TYW3: variants seen among roughly 807,000 people sequenced by gnomAD.
TYW3 encodes tRNA wybutosine-synthesizing protein 3 homolog.
TYW3 carries 26 observed loss-of-function variants against 23.1 expected under a neutral mutation model. The observed-to-expected ratio is 1.13, with a 90% confidence interval of 0.83 to 1.56. The LOEUF is 1.56. Among genes scored for constraint, TYW3 ranks in the 40% most tolerant of loss-of-function variants. The pLI is 0.00. For missense variants in TYW3, 316 were observed against 311.9 expected (o/e 1.01, Z -0.10); for synonymous variants, 102 against 105.7 (o/e 0.97, Z 0.21).
At chr1:74,760,899 G>A (rs1649116199) in intron 5 of TYW3, among the ~76,000 whole-genome samples, 2 of 152,188 alleles carry the variant, frequency 1.3e-5, no homozygotes, top group Non-Finnish European at 2.9e-5. Flanking sequence ...TCTAACTGAC[G>A]TTGAAAAACA....
chr1:74,751,626 C>T (rs1648789439), intron 4 of TYW3, among the ~76,000 whole-genome samples: 1 of 151,452 alleles, frequency 6.6e-6, no homozygotes, highest in Non-Finnish European at 1.5e-5. Context: ...GCCGAGATTG[C>T]ACCATTGCAC....
At chr1:74,745,373 AGCTGATTGGTCCATTTTACAGAGT>A (rs1306510305) in intron 3 of TYW3, among the ~76,000 whole-genome samples, 3 of 151,956 alleles carry the variant, frequency 2.0e-5, no homozygotes, top group Non-Finnish European at 4.4e-5. Flanking sequence ...TTTTACAGAG[AGCTGATTGGTCCATTTTACAGAGT>A]GCTGATTGGC....
At position 74,740,525 on chromosome 1, in the gene TYW3, C is replaced by T. The variant is rs189633579; in HGVS notation, c.354+1737C>T. Reference sequence around the variant, plus strand: ...CCCCACCCACATCCTGCTGATTGGTCGCTTTTACAGACAGCTGATTGGTCC... The same window carrying T: ...CCCCACCCACATCCTGCTGATTGGTTGCTTTTACAGACAGCTGATTGGTCC... On this transcript the variant is annotated intron_variant, in intron 3 of 5. Transcript: ENST00000370867. Among the ~76,000 whole-genome samples, 809 of 152,308 alleles carry T rather than the reference C, an allele frequency of 5.3e-3. 10 individuals are homozygous for T. Among genetic ancestry groups the T allele is most frequent in the Admixed American group, 0.032 (496 of 15,296 alleles).
At chr1:74,751,327 C>G (rs1000648395) in intron 4 of TYW3, 6 of 152,154 alleles carry the variant, frequency 3.9e-5, no homozygotes, top group Non-Finnish European at 7.3e-5. Context: ...TTATAGTCAC[C>G]CTGTATCTTC....
At chr1:74,758,435 T>C (rs987028131) in intron 5 of TYW3, among the ~76,000 whole-genome samples, 2 of 152,202 alleles carry the variant, frequency 1.3e-5, no homozygotes, top group African/African-American at 4.8e-5. Context: ...TTCATGGTTC[T>C]GATTCTTATC....
chr1:74,763,848 C>T (rs200510390), intron 5 of TYW3, 46 bp from the exon 6 acceptor site: 19 of 1,461,722 alleles, frequency 1.3e-5, no homozygotes, highest in East Asian at 6.8e-5. Flanking sequence ...TCAGTCATTT[C>T]GTTTCAGTAC....
intron 3 of TYW3, among the ~76,000 whole-genome samples, chr1:74,741,542 G>A (rs1240070073): frequency 1.3e-5 from 2 of 152,202 alleles, no homozygotes; most frequent in East Asian, 3.8e-4. Context: ...TGGGGAGGTA[G>A]AGGGGAGAGA....
rs1649255641 is a variant in TYW3, at chr1:74,765,062, C to T, written c.*949C>T. 6.6e-6 allele frequency: 1 copy of T among 152,102 alleles called. No homozygotes were observed. Among genetic ancestry groups the T allele is most frequent in the African/African-American group, 2.4e-5 (1 of 41,430 alleles). 9.4% of individuals were successfully genotyped at this position (152,102 alleles called of 1,614,324 possible). ...GGAGATGCTACTTTAATAGGCCCTG[C>T]CGCAGATCTTCCAAACCAGAATCTT... On this transcript the variant is annotated 3_prime_UTR_variant, in exon 6 of 6. Coordinates refer to ENST00000370867, the MANE Select transcript of TYW3 (RefSeq NM_138467.3).
chr1:74,740,471 G>A (rs891496376), intron 3 of TYW3, among the ~76,000 whole-genome samples: 11 of 152,096 alleles, frequency 7.2e-5, no homozygotes, highest in African/African-American at 2.2e-4. Flanking sequence ...CTGCTGGCTC[G>A]GGTGGACAGT....
intron 3 of TYW3, among the ~76,000 whole-genome samples, chr1:74,741,618 G>A (rs1468532298): frequency 6.6e-6 from 1 of 152,156 alleles, no homozygotes; most frequent in East Asian, 1.9e-4. Context: ...CATCCTTCAG[G>A]TAGGTTTTTA....
At chr1:74,744,590 G>A (rs776684157) in intron 3 of TYW3, among the ~76,000 whole-genome samples, 6 of 152,172 alleles carry the variant, frequency 3.9e-5, no homozygotes, top group South Asian at 4.1e-4. Flanking sequence ...GGCAATAGGC[G>A]ATTGTCCCAT....
rs577162972 is a variant in TYW3, at chr1:74,757,169, G to T, written c.560+4744G>T. 4.1e-3 allele frequency among the ~76,000 whole-genome samples: 629 copies of T among 152,338 alleles called. 4 individuals carry two copies. The highest frequency in any genetic ancestry group is 6.4e-3 in the Non-Finnish European group (433 of 68,034). The stretch of plus-strand genomic sequence containing the variant: ...AGTGCCAAAGGGAAGTGTGGGGTCA[G>T]AGCCCCCACACAGAGTCCCTACTCG... On this transcript the variant is annotated intron_variant, in intron 5 of 5. Coordinates refer to ENST00000370867, the MANE Select transcript of TYW3 (RefSeq NM_138467.3).
At chr1:74,733,561 T>C (rs1295576983) in intron 1 of TYW3, 143 bp downstream of exon 1, 1 of 1,436,814 alleles carries the variant, frequency 7.0e-7, no homozygotes, top group Non-Finnish European at 9.1e-7. Context: ...ATGTGAAATT[T>C]AGGGGATTAG....
chr1:74,761,537 G>C (rs1649136490), intron 5 of TYW3: 1 of 152,014 alleles, frequency 6.6e-6, no homozygotes, highest in Non-Finnish European at 1.5e-5. Context: ...GGTTGATAAA[G>C]AATGGTAGAA....
intron 1 of TYW3, among the ~76,000 whole-genome samples, chr1:74,735,092 G>A (rs1261710337): frequency 6.6e-6 from 1 of 152,066 alleles, no homozygotes; most frequent in African/African-American, 2.4e-5. Flanking sequence ...TTTTGCAATG[G>A]TTCTCTAACA....
intron 1 of TYW3, 141 bp downstream of exon 1, chr1:74,733,559 T>C: frequency 7.0e-7 from 1 of 1,436,806 alleles, no homozygotes; most frequent in Non-Finnish European, 9.1e-7. Context: ...ATATGTGAAA[T>C]TTAGGGGATT....
chr1:74,743,491 G>A (rs1648436227), intron 3 of TYW3, among the ~76,000 whole-genome samples: 1 of 152,152 alleles, frequency 6.6e-6, no homozygotes, highest in Admixed American at 6.6e-5. Context: ...AGTGAGTCGG[G>A]TGACAGGGGA....
intron 3 of TYW3, among the ~76,000 whole-genome samples, chr1:74,748,132 C>G (rs1648652143): frequency 1.1e-5 from 1 of 91,246 alleles, no homozygotes; most frequent in African/African-American, 4.0e-5. Context: ...TTCCTCTTCC[C>G]TTGAGTTGTG....
chr1:74,740,008 C>G (rs1648295835), intron 3 of TYW3, among the ~76,000 whole-genome samples: 1 of 152,138 alleles, frequency 6.6e-6, no homozygotes, highest in Non-Finnish European at 1.5e-5. Flanking sequence ...CGCCTTTATC[C>G]AGATGGGGTG....
Sources: allele counts gnomAD v4.1 joint callset (sites outside exome capture counted in the v4.1 genomes callset), GRCh38; gene constraint gnomAD v4.1.1; transcripts MANE v1.5; gene names NCBI Gene and HGNC (gene_info 2026-07-23, HGNC 2026-07-21).